ZNF831: variants seen among roughly 807,000 people sequenced by gnomAD.
ZNF831 encodes the protein chromosome 20 open reading frame 174.
A neutral mutation model predicts 95.8 loss-of-function variants in ZNF831; 59 were observed. The ratio of observed to expected loss-of-function variants is 0.62; its 90% CI spans 0.50 to 0.77. The LOEUF is 0.77. Among genes scored for constraint, ZNF831 ranks in the 30% least tolerant of loss-of-function variants. The pLI, the probability that ZNF831 is intolerant of heterozygous loss-of-function variation, is 0.00. For synonymous variants in ZNF831, 961 were observed against 925.5 expected, an observed-to-expected ratio of 1.04 and a Z score of -0.70; for missense variants, 2,205 against 2,164.0, an observed-to-expected ratio of 1.02 and a Z score of -0.38.
chr20:59,253,887 C>CT lies in ZNF831; in HGVS notation c.4189-8dup. 3.8e-6 allele frequency: 3 copies of CT among 784,978 alleles called. No individual in the cohort carries two copies. Among genetic ancestry groups the CT allele is most frequent in the South Asian group, 4.4e-5 (2 of 45,780 alleles). The allele number at this position is 784,978 out of a possible 1,614,324, so 48.6% of individuals were successfully genotyped here. A position where few individuals can be genotyped will look rare whatever the true frequency, so the allele number is the denominator to read the frequency against. ...CCCCCCACTTTTTTTTTCCTTTGCA[C>CT]TTTGTTGCAGGATATTTCTCCATCT... On this transcript the variant is annotated splice_polypyrimidine_tract_variant and intron_variant, in intron 5 of 5. Coordinates refer to ENST00000371030, the MANE Select transcript of ZNF831 (RefSeq NM_178457.3).
intron 2 of ZNF831, among the ~76,000 whole-genome samples, chr20:59,156,881 T>A (rs1048745557): frequency 3.3e-5 from 5 of 152,250 alleles, no homozygotes; most frequent in African/African-American, 4.8e-5. Context: ...AATATTTTTT[T>A]AAAAAGAAGA....
intron 5 of ZNF831, among the ~76,000 whole-genome samples, chr20:59,253,626 A>G (rs1988016749): frequency 2.6e-5 from 4 of 152,206 alleles, no homozygotes. Flanking sequence ...AACTGGTAAG[A>G]TAATTGAGTG....
In ZNF831 at chr20:59,249,666, G is replaced by A. The variant is rs369939964; in HGVS notation, c.4028-3312G>A. Reference sequence around the variant, plus strand: ...AAGAAAGATTGTGTGGAAGAAAAAAGCATTGCTATCTTTCCCAAACTGTGC... The same window carrying A: ...AAGAAAGATTGTGTGGAAGAAAAAAACATTGCTATCTTTCCCAAACTGTGC... On this transcript the variant is annotated intron_variant, in intron 4 of 5. Transcript: ENST00000371030. 6.6e-5 allele frequency among the ~76,000 whole-genome samples: 10 copies of A among 152,194 alleles called. No homozygotes were observed. In the South Asian group the frequency reaches 1.9e-3, roughly 28 times the overall value.
Position 59,192,573 on chromosome 20 carries a change from G to A in ZNF831, c.1554G>A (p.Glu518=). Residue 518 remains glutamate (E), a synonymous_variant, in exon 2 of 6, where the codon GAG becomes GAA. Transcript: ENST00000371030. The surrounding 1 kb of genome is among the most constrained non-coding windows in gnomAD (Gnocchi z 5.2). ...PFVEGSRTWL[E]PREPRDPWSR... ...TCGAGGGCTCCAGGACGTGGCTGGA[G>A]CCCAGGGAGCCCCGGGACCCCTGGT... 6.6e-7 allele frequency: 1 copy of A among 1,516,788 alleles called. No individual in the cohort carries two copies. Among genetic ancestry groups the A allele is most frequent in the African/African-American group, 1.4e-5 (1 of 71,708 alleles). The allele number at this position is 1,516,788 out of a possible 1,614,324, so 94.0% of individuals were successfully genotyped here.
rs142306491 is a variant in ZNF831, at chr20:59,208,454, C to T, written c.4027+1398C>T. On this transcript the variant is annotated intron_variant, in intron 4 of 5. Coordinates refer to ENST00000371030, the MANE Select transcript of ZNF831 (RefSeq NM_178457.3). The surrounding 1 kb of genome is among the most constrained non-coding windows in gnomAD (Gnocchi z 4.2). ...GGCACAGGTGCCATCGATATCACCT[C>T]TGTGCTCTCCAGGTGCCCTGTGGAT... Among the ~76,000 whole-genome samples, 16 of 152,358 alleles carry T rather than the reference C, an allele frequency of 1.1e-4. No homozygotes were observed. The highest frequency in any genetic ancestry group is 3.8e-4 in the African/African-American group (16 of 41,584).
intron 4 of ZNF831, among the ~76,000 whole-genome samples, chr20:59,221,796 C>T (rs117436397): frequency 0.01 from 1,537 of 152,280 alleles, 25 homozygotes; most frequent in Non-Finnish European, 0.014. Flanking sequence ...TAGACATTAG[C>T]GATCATTTTC....
intron 4 of ZNF831, among the ~76,000 whole-genome samples, chr20:59,236,542 C>A (rs148247826): frequency 5.2e-4 from 78 of 148,696 alleles, no homozygotes; most frequent in Non-Finnish European, 3.3e-4. Flanking sequence ...TGCACCACCA[C>A]GCTTGGCTAG....
chr20:59,130,191 A>G (rs1192506222), intron 1 of ZNF831, among the ~76,000 whole-genome samples: 2 of 152,228 alleles, frequency 1.3e-5, no homozygotes, highest in Non-Finnish European at 2.9e-5. Flanking sequence ...TTAAAGAGAC[A>G]GGGCCATTAA....
At chr20:59,241,365 A>G (rs1378514466) in intron 4 of ZNF831, among the ~76,000 whole-genome samples, 1 of 152,102 alleles carries the variant, frequency 6.6e-6, no homozygotes, top group Non-Finnish European at 1.5e-5. Flanking sequence ...TGCTGAAAAA[A>G]AAAAATGCCA....
chr20:59,211,839 T>G (rs1985357582), intron 4 of ZNF831, among the ~76,000 whole-genome samples: 2 of 150,540 alleles, frequency 1.3e-5, no homozygotes, highest in Non-Finnish European at 1.5e-5. Context: ...GTTTTTTTCT[T>G]TCTGAGGAGA....
Position 59,193,681 on chromosome 20 carries a change from G to A in ZNF831, c.2662G>A (p.Ala888Thr), listed in dbSNP as rs2146587610. The change falls in exon 2 of 6, where the codon GCT becomes ACT. Residue 888 changes from alanine (A) to threonine (T), a missense_variant. By Grantham distance (58) the Ala-to-Thr change is moderately conservative. Transcript: ENST00000371030. ...EPLESSGASL[A>T]AASVALKRVG... ...TCTGGAGTCCTCTGGAGCCTCCTTG[G>A]CTGCTGCTTCTGTTGCCCTGAAGAG... is the stretch of plus-strand genomic sequence containing the variant. The A allele has an allele frequency of 6.2e-7, 1 of 1,613,036 alleles. No homozygotes were observed. Among genetic ancestry groups the A allele is most frequent in the Non-Finnish European group, 8.5e-7 (1 of 1,179,770 alleles).
intron 2 of ZNF831, among the ~76,000 whole-genome samples, chr20:59,154,205 G>A (rs1452026005): frequency 6.6e-6 from 1 of 152,214 alleles, no homozygotes; most frequent in Non-Finnish European, 1.5e-5. Context: ...CTTGCAGTGG[G>A]TTGGGAGAGC....
intron 4 of ZNF831, among the ~76,000 whole-genome samples, chr20:59,215,251 G>A (rs961615753): frequency 6.6e-6 from 1 of 152,192 alleles, no homozygotes; most frequent in Non-Finnish European, 1.5e-5. Flanking sequence ...ATTGGAAGTC[G>A]TGCCGCTTCT....
chr20:59,239,608 G>A (rs1336613579), intron 4 of ZNF831, among the ~76,000 whole-genome samples: 2 of 140,662 alleles, frequency 1.4e-5, no homozygotes, highest in African/African-American at 2.7e-5. Flanking sequence ...GGAGTATAGT[G>A]ACCTTGGCTC....
intron 3 of ZNF831, among the ~76,000 whole-genome samples, chr20:59,198,465 T>C (rs1036722313): frequency 6.6e-6 from 1 of 152,148 alleles, no homozygotes; most frequent in African/African-American, 2.4e-5. Context: ...CTAGCTCACC[T>C]CTCCCTAATG....
chr20:59,251,501 G>T (rs904592699), intron 4 of ZNF831, among the ~76,000 whole-genome samples: 2 of 152,198 alleles, frequency 1.3e-5, no homozygotes, highest in East Asian at 3.8e-4. Flanking sequence ...TATACTTCAT[G>T]TACCCTTTCT....
rs1301685014 is a variant in ZNF831 at position 59,255,553 on chromosome 20, G to C, written c.*810G>C. The C allele has an allele frequency of 6.6e-6, 1 of 152,090 alleles. No homozygotes were observed. Among genetic ancestry groups the C allele is most frequent in the East Asian group, 1.9e-4 (1 of 5,184 alleles). 9.4% of individuals were successfully genotyped at this position (152,090 alleles called of 1,614,324 possible). Reference sequence around the variant, plus strand: ...TAAAAGTTAATAGAACTGTCTCTCTGTAATGAGTCATTTTTTGAGAGGGAA... The same window carrying C: ...TAAAAGTTAATAGAACTGTCTCTCTCTAATGAGTCATTTTTTGAGAGGGAA... On this transcript the variant is annotated 3_prime_UTR_variant, in exon 6 of 6. Transcript: ENST00000371030.
chr20:59,157,208 T>G (rs1286703464), intron 2 of ZNF831, among the ~76,000 whole-genome samples: 1 of 152,226 alleles, frequency 6.6e-6, no homozygotes, highest in African/African-American at 2.4e-5. Flanking sequence ...ATCCCCACTT[T>G]CCCGCCCACT....
chr20:59,205,034 C>A (rs917897755), intron 3 of ZNF831, among the ~76,000 whole-genome samples: 1 of 152,108 alleles, frequency 6.6e-6, no homozygotes, highest in Non-Finnish European at 1.5e-5. Context: ...AGAGGCGGGG[C>A]CTTTCCTAGC....
Sources: gnomAD v4.1 joint callset for allele counts (sites outside exome capture counted in the v4.1 genomes callset) on GRCh38, gnomAD v4.1.1 for gene constraint, Gnocchi (gnomAD v3.1) non-coding constraint, MANE v1.5 for transcripts, NCBI Gene and HGNC (gene_info 2026-07-23, HGNC 2026-07-21) for gene names.